Variants in HAPSTR1 observed in about 807,000 individuals in gnomAD.
The protein encoded by HAPSTR1 is HUWE1 associated protein modifying stress responses, also known as HUWE1-associated protein modifying stress responses 1.
chr16:9,114,920 T>C, the HAPSTR1 span, among the ~76,000 whole-genome samples: 1 of 152,202 alleles, frequency 6.6e-6, no homozygotes, highest in African/African-American at 2.4e-5. Context: ...GCTTCTATTT[T>C]TTAATAGGTG....
At chr16:9,113,864 G>T in the HAPSTR1 span, among the ~76,000 whole-genome samples, 1 of 152,300 alleles carries the variant, frequency 6.6e-6, no homozygotes, top group African/African-American at 2.4e-5. Context: ...TGATGGCAAT[G>T]ATTTAAGTGA....
At chr16:9,101,864 G>C in the HAPSTR1 span, among the ~76,000 whole-genome samples, 3 of 152,078 alleles carry the variant, frequency 2.0e-5, no homozygotes, top group African/African-American at 7.2e-5. Context: ...GCTCACGCCT[G>C]TAATCCCCAG....
chr16:9,105,243 AT>A, the HAPSTR1 span: 1 of 152,226 alleles, frequency 6.6e-6, no homozygotes, highest in Non-Finnish European at 1.5e-5. Flanking sequence ...TAAAACTTAA[AT>A]ATAAGGCTTT....
At chr16:9,102,860 C>G in the HAPSTR1 span, 10 of 919,722 alleles carry the variant, frequency 1.1e-5, no homozygotes, top group East Asian at 9.8e-5. Flanking sequence ...GTTTATATTA[C>G]TGATGGGCTC....
At chr16:9,111,451 GAACA>G in the HAPSTR1 span, 1 of 152,178 alleles carries the variant, frequency 6.6e-6, no homozygotes, top group Non-Finnish European at 1.5e-5. Context: ...CCCCTGAAAA[GAACA>G]ATTAAGGCAA....
At chr16:9,092,801 C>T in the HAPSTR1 span, 3 of 1,075,536 alleles carry the variant, frequency 2.8e-6, no homozygotes, top group East Asian at 2.6e-5. Flanking sequence ...AATGGCGAAA[C>T]CTAATATGGC....
the HAPSTR1 span, chr16:9,107,025 C>T: frequency 6.6e-6 from 1 of 152,270 alleles, no homozygotes; most frequent in Admixed American, 6.5e-5. Flanking sequence ...TCCTCAGGCC[C>T]TGTCACTGCC....
the HAPSTR1 span, among the ~76,000 whole-genome samples, chr16:9,114,870 T>A: frequency 1.3e-5 from 2 of 152,218 alleles, no homozygotes; most frequent in African/African-American, 4.8e-5. Context: ...TAGGAAGTAA[T>A]TGACATAGTA....
chr16:9,116,583 A>G, the HAPSTR1 span: 2 of 1,519,368 alleles, frequency 1.3e-6, no homozygotes, highest in Non-Finnish European at 1.8e-6. Flanking sequence ...ATGCTTTGAC[A>G]TTGTGACAAC....
At chr16:9,093,832 T>C in the HAPSTR1 span, among the ~76,000 whole-genome samples, 2 of 152,034 alleles carry the variant, frequency 1.3e-5, no homozygotes, top group African/African-American at 2.4e-5. Flanking sequence ...GATTGAGAAA[T>C]TTGGGGTTGA....
At chr16:9,102,969 C>CT in the HAPSTR1 span, 2 of 1,608,060 alleles carry the variant, frequency 1.2e-6, no homozygotes, top group Non-Finnish European at 8.5e-7. Context: ...TTTTCTTTTT[C>CT]TTTTTTTCTA....
chr16:9,116,967 ATATAC>A, the HAPSTR1 span: 23 of 1,595,180 alleles, frequency 1.4e-5, no homozygotes, highest in Admixed American at 1.7e-5. Flanking sequence ...GATCCTCAAC[ATATAC>A]TATAATTGCA....
the HAPSTR1 span, among the ~76,000 whole-genome samples, chr16:9,093,952 G>A: frequency 6.6e-6 from 1 of 151,946 alleles, no homozygotes; most frequent in Non-Finnish European, 1.5e-5. Flanking sequence ...AACAGTAATG[G>A]AACTTTGTGC....
the HAPSTR1 span, among the ~76,000 whole-genome samples, chr16:9,101,434 G>A: frequency 1.1e-4 from 16 of 152,362 alleles, no homozygotes; most frequent in Admixed American, 6.5e-4. Context: ...TCTCAGAGTT[G>A]TGATGGAGAA....
the HAPSTR1 span, among the ~76,000 whole-genome samples, chr16:9,094,975 A>C: frequency 6.6e-6 from 1 of 152,334 alleles, no homozygotes; most frequent in East Asian, 1.9e-4. Flanking sequence ...AATAATCCTT[A>C]ATTTGATTAC....
the HAPSTR1 span, chr16:9,109,344 C>T: frequency 6.6e-6 from 1 of 152,088 alleles, no homozygotes; most frequent in East Asian, 1.9e-4. Flanking sequence ...GGCATGGGTC[C>T]TAGGGTGGGG....
At chr16:9,103,188 C>G in the HAPSTR1 span, 2 of 1,614,174 alleles carry the variant, frequency 1.2e-6, no homozygotes, top group Non-Finnish European at 8.5e-7. Context: ...CCTAACCGAG[C>G]TACTTCAACG....
the HAPSTR1 span, among the ~76,000 whole-genome samples, chr16:9,100,848 C>T: frequency 6.6e-6 from 1 of 152,178 alleles, no homozygotes; most frequent in African/African-American, 2.4e-5. Context: ...TTTCTTTGCA[C>T]TCTCCAAGCC....
At chr16:9,118,574 C>G in the HAPSTR1 span, 1 of 152,556 alleles carries the variant, frequency 6.6e-6, no homozygotes, top group Non-Finnish European at 1.5e-5. Context: ...TGAGAGATTT[C>G]TAAACTTTTG....
Sources: allele counts gnomAD v4.1 joint callset (sites outside exome capture counted in the v4.1 genomes callset), GRCh38; gene constraint gnomAD v4.1.1; transcripts MANE v1.5; gene names NCBI Gene and HGNC (gene_info 2026-07-23, HGNC 2026-07-21).